Variants in DNAH2 observed in about 807,000 individuals in gnomAD.
The protein encoded by DNAH2 is dynein axonemal heavy chain 2, also known as axonemal beta dynein heavy chain 2.
In DNAH2, 323 loss-of-function variants were observed where a neutral mutation model predicts 523.5. The observed-to-expected ratio is 0.62, with a 90% CI of 0.56 to 0.68. The LOEUF is 0.68. Among genes scored for constraint, DNAH2 ranks in the 30% least tolerant of loss-of-function variants. The pLI is 0.00. For missense variants in DNAH2, 4,907 were observed against 5,701.5 expected, an observed-to-expected ratio of 0.86 and a Z score of 4.49; for synonymous variants, 2,093 against 2,177.4, an observed-to-expected ratio of 0.96 and a Z score of 1.08.
At chr17:7,724,594 G>A (rs923367928) in intron 3 of DNAH2, among the ~76,000 whole-genome samples, 2 of 151,742 alleles carry the variant, frequency 1.3e-5, no homozygotes, top group Admixed American at 6.6e-5. Flanking sequence ...CTCCAGTCTG[G>A]GCAATAAGAG....
intron 49 of DNAH2, among the ~76,000 whole-genome samples, chr17:7,796,089 C>T (rs1198451322): frequency 1.4e-5 from 2 of 140,028 alleles, no homozygotes; most frequent in South Asian, 2.2e-4. Flanking sequence ...TCACTCATTG[C>T]CCAAGCTGGA....
intron 12 of DNAH2, among the ~76,000 whole-genome samples, chr17:7,752,261 GATA>G (rs1391873600): frequency 6.7e-6 from 1 of 150,148 alleles, no homozygotes; most frequent in African/African-American, 2.5e-5. Context: ...TTTTCTTGAT[GATA>G]ATATCTACCT....
At position 7,759,100 on chromosome 17, in the gene DNAH2, G is replaced by C; in HGVS notation, c.2424G>C (p.Glu808Asp). ...DVVTIMTNSY[E>D]VFKNDGPEIQ... Reference sequence around the variant, plus strand: ...TGACCATCATGACCAACTCCTATGAGGTCTTCAAGAATGATGGTCCTGAGG... The same window carrying C: ...TGACCATCATGACCAACTCCTATGACGTCTTCAAGAATGATGGTCCTGAGG... The change falls in exon 15 of 86, where the codon GAG becomes GAC. Residue 808 changes from glutamate (E) to aspartate (D), a missense_variant. Transcript: ENST00000572933. The C allele has an allele frequency of 6.2e-7, 1 of 1,614,122 alleles. No homozygotes were observed. The highest frequency in any genetic ancestry group is 8.5e-7 in the Non-Finnish European group (1 of 1,180,030).
At chr17:7,738,324 T>C (rs1296774089) in intron 8 of DNAH2, among the ~76,000 whole-genome samples, 1 of 152,032 alleles carries the variant, frequency 6.6e-6, no homozygotes, top group East Asian at 1.9e-4. Flanking sequence ...TTTTGTTTTT[T>C]AATTTTAATT....
chr17:7,787,735 T>TAAA lies in DNAH2; in HGVS notation c.6604-108_6604-106dup, dbSNP rs34626825. 3,194 of 933,042 alleles carry TAAA rather than the reference T, an allele frequency of 3.4e-3. 69 individuals carry two copies. In the African/African-American group the frequency reaches 0.051, roughly 15 times the overall value. The allele number at this position is 933,042 out of a possible 1,614,324, so 57.8% of individuals were successfully genotyped here. A position where few individuals can be genotyped will look rare whatever the true frequency, so the allele number is the denominator to read the frequency against. On this transcript the variant is annotated intron_variant, in intron 42 of 85. Transcript: ENST00000572933. Reference sequence around the variant, plus strand: ...TGGGTGACGGAGTGAGACTTTGTCTTAAAAAAAAAAAAAAAAAAAGCAAAT... The same window carrying TAAA: ...TGGGTGACGGAGTGAGACTTTGTCTTAAAAAAAAAAAAAAAAAAAAAAGCAAAT...
rs757807662 is a variant in DNAH2 at position 7,764,036 on chromosome 17, G to A, written c.3179+5G>A. 9.3e-6 allele frequency: 15 copies of A among 1,611,944 alleles called. No individual in the cohort carries two copies. Among genetic ancestry groups the A allele is most frequent in the African/African-American group, 2.7e-5 (2 of 74,902 alleles). ...CCTGAAGGAGAACGCAGAGAAGTGC[G>A]GGCTGGGGCGCCCCACAGGAAGGGG... On this transcript the variant is annotated splice_donor_5th_base_variant and intron_variant, in intron 19 of 85. Transcript: ENST00000572933.
chr17:7,761,840 C>T (rs1279546490), intron 18 of DNAH2, among the ~76,000 whole-genome samples: 4 of 150,990 alleles, frequency 2.6e-5, no homozygotes, highest in Non-Finnish European at 2.9e-5. Context: ...GGCCTCTGGT[C>T]ATTCATTCAT....
chr17:7,810,278 T>G (rs1030888095), intron 63 of DNAH2, among the ~76,000 whole-genome samples: 3 of 152,200 alleles, frequency 2.0e-5, no homozygotes, highest in Admixed American at 2.0e-4. Flanking sequence ...TTGCCCAGTC[T>G]GGTCTTGAAC....
Position 7,818,812 on chromosome 17 carries a change from G to C in DNAH2, c.10670+36G>C, listed in dbSNP as rs118024954. On this transcript the variant is annotated intron_variant, in intron 70 of 85. Coordinates refer to ENST00000572933, the MANE Select transcript of DNAH2 (RefSeq NM_020877.5). ...GCCTTCCCCTCCCACTGCCCCACGG[G>C]TCTACTCCCAGCCAGCCTCCACCCA... The C allele has an allele frequency of 1.7e-3, 2,777 of 1,613,070 alleles. 38 individuals carry two copies. In the East Asian group the frequency reaches 0.023, roughly 13 times the overall value.
intron 12 of DNAH2, among the ~76,000 whole-genome samples, chr17:7,745,653 A>G (rs2075495330): frequency 6.6e-6 from 1 of 152,038 alleles, no homozygotes; most frequent in African/African-American, 2.4e-5. Context: ...AGCCGGGCAT[A>G]GTGGTGCATG....
chr17:7,830,996 C>T, intron 79 of DNAH2, 90 bp from the exon 80 acceptor site: 1 of 1,506,914 alleles, frequency 6.6e-7, no homozygotes, highest in South Asian at 1.2e-5. Context: ...GGGAGCTGGA[C>T]AAATTGGACA....
At chr17:7,748,711 G>T (rs1456440422) in intron 12 of DNAH2, among the ~76,000 whole-genome samples, 1 of 151,740 alleles carries the variant, frequency 6.6e-6, no homozygotes, top group Non-Finnish European at 1.5e-5. Context: ...GCCCAGGCTG[G>T]TCTCGAACTC....
rs1266036571 is a variant in DNAH2 at position 7,759,846 on chromosome 17, A to G, written c.2693A>G (p.Asn898Ser). ...TLAGVVNDIG[N>S]HLFSTISVFC... ...GCAGGTGTGGTCAATGACATTGGCA[A>G]CCACCTCTTTTCCACCATCTCTGTC... Residue 898 changes from asparagine to serine, a missense_variant, in exon 17 of 86, where the codon AAC (asparagine) becomes AGC (serine). Asn to Ser is a conservative substitution (Grantham distance 46, BLOSUM62 1). This residue lies in a region of DNAH2 where 2,806 missense variants were observed against 3,190.8 expected (regional missense o/e 0.88). Coordinates refer to ENST00000572933, the MANE Select transcript of DNAH2 (RefSeq NM_020877.5). The G allele has an allele frequency of 1.2e-6, 2 of 1,614,052 alleles. No homozygotes were observed. The highest frequency in any genetic ancestry group is 2.7e-5 in the African/African-American group (2 of 74,910).
At chr17:7,723,822 C>A in intron 3 of DNAH2, 133 bp downstream of exon 3, 1 of 807,668 alleles carries the variant, frequency 1.2e-6, no homozygotes, top group Non-Finnish European at 2.1e-6. Context: ...TGTTAGCCTA[C>A]TCACCACAAA....
intron 2 of DNAH2, among the ~76,000 whole-genome samples, chr17:7,720,190 G>A (rs2074557156): frequency 6.6e-6 from 1 of 152,122 alleles, no homozygotes; most frequent in Non-Finnish European, 1.5e-5. Flanking sequence ...TATTTCAAGT[G>A]TTCCTGGTTG....
Position 7,826,001 on chromosome 17 carries a change from C to G in DNAH2, c.11853+1274C>G, listed in dbSNP as rs577295742. ...GGGGAGGCTGAAGCAGGTGGATCAC[C>G]TGAGCTCAGGAAGGTTAGATATGGA... On this transcript the variant is annotated intron_variant, in intron 77 of 85. Transcript: ENST00000572933. Among the ~76,000 whole-genome samples, 3 of 152,292 alleles carry G rather than the reference C, an allele frequency of 2.0e-5. No homozygotes were observed. The East Asian group carries it at 5.8e-4, about 29-fold the overall frequency.
At position 7,816,698 on chromosome 17, in the gene DNAH2, T is replaced by C. The variant is rs2077677037; in HGVS notation, c.9857T>C (p.Leu3286Ser). ...LERAGMLVSGLAGEKARWEET... is the reference protein window; with the variant it reads ...LERAGMLVSGSAGEKARWEET... ...CGAGCTGGGATGCTCGTGTCGGGGT[T>C]GGCTGGCGAGAAGGCCAGATGGGAG... The change falls in exon 64 of 86, where the codon TTG (leucine) becomes TCG (serine). Residue 3286 changes from leucine to serine, a missense_variant. By Grantham distance (145) the Leu-to-Ser change is moderately radical. Transcript: ENST00000572933. The C allele has an allele frequency of 1.2e-6, 2 of 1,614,006 alleles. No homozygotes were observed. Among genetic ancestry groups the C allele is most frequent in the African/African-American group, 2.7e-5 (2 of 74,910 alleles).
chr17:7,742,008 G>T (rs12938680), intron 11 of DNAH2, among the ~76,000 whole-genome samples: 1 of 151,832 alleles, frequency 6.6e-6, no homozygotes, highest in South Asian at 2.1e-4. Flanking sequence ...GAATAGGGCC[G>T]GTATCTGGGG....
Position 7,754,661 on chromosome 17 carries a change from A to G in DNAH2, c.1905-2430A>G. The G allele has an allele frequency of 7.5e-7, 1 of 1,333,988 alleles. No individual in the cohort carries two copies. The highest frequency in any genetic ancestry group is 1.1e-6 in the Non-Finnish European group (1 of 942,726). 82.6% of individuals were successfully genotyped at this position (1,333,988 alleles called of 1,614,324 possible). ...AGATCCCAAAGGGTGTCAGCCATAAACTTGATCGACTTGCCTACATTGCCC... is the reference window on the plus strand; with the variant it reads ...AGATCCCAAAGGGTGTCAGCCATAAGCTTGATCGACTTGCCTACATTGCCC... On this transcript the variant is annotated intron_variant, in intron 12 of 85. Coordinates refer to ENST00000572933, the MANE Select transcript of DNAH2 (RefSeq NM_020877.5). The surrounding 1 kb of genome is among the most constrained non-coding windows in gnomAD (Gnocchi z 4.6).
Sources: allele counts gnomAD v4.1 joint callset (sites outside exome capture counted in the v4.1 genomes callset), GRCh38; gene constraint gnomAD v4.1.1; regional missense constraint gnomAD v4.1.1; non-coding constraint Gnocchi (gnomAD v3.1); transcripts MANE v1.5; gene names NCBI Gene and HGNC (gene_info 2026-07-23, HGNC 2026-07-21).